MID1: variants seen among roughly 807,000 people sequenced by gnomAD.
MID1 encodes midline 1, also known as E3 ubiquitin-protein ligase Midline-1.
In MID1, 7 loss-of-function variants were observed where a neutral mutation model predicts 40.4. The observed-to-expected ratio is 0.17, with a 90% confidence interval of 0.10 to 0.33. The LOEUF is 0.33. Ranked by LOEUF, MID1 falls within the 10% of genes least tolerant of loss-of-function variation. The probability of loss-of-function intolerance (pLI) is 1.00; values close to 1 mark genes in which losing one functional copy is unlikely to be tolerated. For synonymous variants in MID1, 229 were observed against 221.2 expected (o/e 1.04, Z -0.31); for missense variants, 367 against 558.5 (o/e 0.66, Z 3.46).
chrX:10,462,173 T>C (rs955972989), intron 7 of MID1, among the ~76,000 whole-genome samples: 28 of 111,314 alleles, frequency 2.5e-4, no homozygotes, highest in African/African-American at 9.4e-4. Flanking sequence ...GTTAGCTTTA[T>C]ACTGGGACAA....
At chrX:10,497,964 C>T (rs1378130197) in intron 3 of MID1, among the ~76,000 whole-genome samples, 1 of 112,403 alleles carries the variant, frequency 8.9e-6, no homozygotes, top group African/African-American at 3.2e-5. Flanking sequence ...CAAGAAGAGA[C>T]AGGGCAAAAA....
chrX:10,822,176 A>C (rs769346204), intron 1 of MID1, among the ~76,000 whole-genome samples: 3 of 111,710 alleles, frequency 2.7e-5, no homozygotes, highest in African/African-American at 9.8e-5. Context: ...GAGAACTCAG[A>C]AGTAAGGCCA....
intron 1 of MID1, among the ~76,000 whole-genome samples, chrX:10,679,479 G>A (rs889654953): frequency 3.6e-5 from 4 of 111,882 alleles, no homozygotes; most frequent in African/African-American, 9.7e-5. Flanking sequence ...GGGCCAAATC[G>A]ATCCTTTGCC....
intron 1 of MID1, among the ~76,000 whole-genome samples, chrX:10,659,671 G>A (rs1438312235): frequency 9.0e-6 from 1 of 110,897 alleles, no homozygotes; most frequent in Non-Finnish European, 1.9e-5. Context: ...AAGCGCTATT[G>A]CTTAAAAAAG....
chrX:10,587,260 C>A (rs1331984997), intron 1 of MID1, among the ~76,000 whole-genome samples: 1 of 112,787 alleles, frequency 8.9e-6, no homozygotes. Flanking sequence ...CAGTAAAGGT[C>A]CACCACAATA....
chrX:10,659,435 T>C (rs1272986356), intron 1 of MID1, among the ~76,000 whole-genome samples: 1 of 111,643 alleles, frequency 9.0e-6, no homozygotes, highest in Non-Finnish European at 1.9e-5. Context: ...GGCACATCTT[T>C]CAGAAACACA....
chrX:10,445,509 A>G (rs1365845111), downstream of MID1: 2 of 112,319 alleles, frequency 1.8e-5, no homozygotes, highest in Non-Finnish European at 3.8e-5. Context: ...ATAACTGCAA[A>G]AACACAAAAT....
At chrX:10,703,277 C>T (rs985111262) in intron 1 of MID1, among the ~76,000 whole-genome samples, 1 of 112,504 alleles carries the variant, frequency 8.9e-6, no homozygotes, top group Non-Finnish European at 1.9e-5. Flanking sequence ...TAAAATGGTA[C>T]AGTTTGCAAA....
intron 1 of MID1, among the ~76,000 whole-genome samples, chrX:10,613,726 T>TAGAG (rs1372257941): frequency 1.5e-3 from 71 of 48,519 alleles, no homozygotes; most frequent in Non-Finnish European, 2.1e-3. Flanking sequence ...TATATATATA[T>TAGAG]ATATATAGAG....
intron 3 of MID1, among the ~76,000 whole-genome samples, chrX:10,502,518 C>T (rs1322987611): frequency 1.8e-5 from 2 of 111,489 alleles, no homozygotes; most frequent in African/African-American, 6.5e-5. Context: ...CTTTGAATTC[C>T]GCAAGAATGG....
At chrX:10,672,980 C>T (rs1015007493) in intron 1 of MID1, among the ~76,000 whole-genome samples, 4 of 111,420 alleles carry the variant, frequency 3.6e-5, no homozygotes, top group Non-Finnish European at 5.6e-5. Flanking sequence ...GCCACTGCGC[C>T]TGGCCGTGTT....
intron 1 of MID1, among the ~76,000 whole-genome samples, chrX:10,771,797 C>T (rs112382012): frequency 0.043 from 4,697 of 108,903 alleles, 234 homozygotes; most frequent in African/African-American, 0.15. Context: ...GCATGAGCCA[C>T]CGCGCCCGGC....
intron 1 of MID1, among the ~76,000 whole-genome samples, chrX:10,602,224 AC>A (rs1302293423): frequency 8.4e-5 from 7 of 83,047 alleles, no homozygotes; most frequent in Non-Finnish European, 1.5e-4. Context: ...ATAGTTTCTG[AC>A]TTTTTTTTTT....
At chrX:10,648,332 C>T (rs745991684) in intron 1 of MID1, among the ~76,000 whole-genome samples, 5 of 111,100 alleles carry the variant, frequency 4.5e-5, no homozygotes, top group Non-Finnish European at 7.6e-5. Flanking sequence ...TCTCTGTGTG[C>T]GTGTGTGTGT....
At chrX:10,667,613 G>A (rs1354475315) in intron 1 of MID1, among the ~76,000 whole-genome samples, 1 of 111,880 alleles carries the variant, frequency 8.9e-6, no homozygotes, top group Non-Finnish European at 1.9e-5. Context: ...CCTTTAATAA[G>A]AGCACCAGGA....
At chrX:10,674,415 A>C (rs951570498) in intron 1 of MID1, among the ~76,000 whole-genome samples, 1 of 112,523 alleles carries the variant, frequency 8.9e-6, no homozygotes, top group Admixed American at 9.4e-5. Context: ...TCGCCTCTGC[A>C]ATAAACTCCA....
rs189148669 is a variant in MID1 at position 10,459,069 on chromosome X, T to C, written c.1447+577A>G. Among the ~76,000 whole-genome samples, 183 of 111,232 alleles carry C rather than the reference T, an allele frequency of 1.6e-3. 1 individual carries two copies. The highest frequency in any genetic ancestry group is 5.7e-3 in the African/African-American group (176 of 30,614). ...CTGTGATGCGCACTGTCCTGTGGAT[T>C]GGGGATGTTTCCCATCATCCCTGGC... On this transcript the variant is annotated intron_variant, in intron 8 of 9. Transcript: ENST00000317552.
At chrX:10,452,502 C>T (rs1297218193) in intron 9 of MID1, among the ~76,000 whole-genome samples, 3 of 112,031 alleles carry the variant, frequency 2.7e-5, no homozygotes, top group Admixed American at 9.5e-5. Flanking sequence ...AATTATGTCT[C>T]TCGGAGCAAT....
intron 1 of MID1, among the ~76,000 whole-genome samples, chrX:10,821,966 G>A (rs1447532104): frequency 1.8e-5 from 2 of 110,369 alleles, no homozygotes; most frequent in Non-Finnish European, 3.8e-5. Flanking sequence ...GTTGCTTTGG[G>A]ACCTCCCTTC....
Sources: gnomAD v4.1 joint callset for allele counts (sites outside exome capture counted in the v4.1 genomes callset) on GRCh38, gnomAD v4.1.1 for gene constraint, MANE v1.5 for transcripts, NCBI Gene and HGNC (gene_info 2026-07-23, HGNC 2026-07-21) for gene names.